The following GABRA6 variants were observed in gnomAD, a reference collection of about 807,000 sequenced individuals.
GABRA6 encodes gamma-aminobutyric acid receptor subunit alpha-6.
A neutral mutation model predicts 47.3 loss-of-function variants in GABRA6; 45 were observed. The observed-to-expected ratio is 0.95, with a 90% CI of 0.75 to 1.22. The LOEUF is 1.22. GABRA6 is among the 50% of genes most tolerant of loss of function. The probability of loss-of-function intolerance (pLI) is 0.00; values close to 1 mark genes in which losing one functional copy is unlikely to be tolerated. For missense variants in GABRA6, 583 were observed against 549.3 expected (o/e 1.06, Z -0.61); for synonymous variants, 219 against 194.7 (o/e 1.12, Z -1.04).
rs1754679863 is a variant in GABRA6 at position 161,685,738 on chromosome 5, T to A, written c.-252T>A. The stretch of plus-strand genomic sequence containing the variant: ...ACTGAGTCAGTCAGAGGAGCCTGGG[T>A]GTCTGCAGGACATAATCTAAGACCA... On this transcript the variant is annotated 5_prime_UTR_variant, in exon 1 of 9. Transcript: ENST00000274545. The A allele has an allele frequency of 5.2e-6, 3 of 573,446 alleles. No homozygotes were observed. In the East Asian group the frequency reaches 8.9e-5, roughly 17 times the overall value. 35.5% of individuals were successfully genotyped at this position (573,446 alleles called of 1,614,324 possible).
intron 8 of GABRA6, among the ~76,000 whole-genome samples, chr5:161,697,487 GC>G (rs1337709557): frequency 6.6e-6 from 1 of 152,132 alleles, no homozygotes; most frequent in Admixed American, 6.5e-5. Flanking sequence ...CATATTTGCT[GC>G]CTGTAGAAAT....
intron 8 of GABRA6, among the ~76,000 whole-genome samples, chr5:161,699,989 A>G (rs1754952522): frequency 2.0e-5 from 3 of 152,150 alleles, no homozygotes; most frequent in African/African-American, 7.2e-5. Flanking sequence ...GCTTTTGGTA[A>G]AGAAACACAT....
Position 161,686,761 on chromosome 5 carries a change from G to A in GABRA6, c.158-175G>A, listed in dbSNP as rs139872931. 3.8e-3 allele frequency among the ~76,000 whole-genome samples: 585 copies of A among 152,134 alleles called. 5 individuals carry two copies. The highest frequency in any genetic ancestry group is 0.014 in the African/African-American group (565 of 41,490). The stretch of plus-strand genomic sequence containing the variant: ...TTGACTAGAATAAATTCTAAATAAG[G>A]CCACTGACATGAGTTTTCAGAGTTG... On this transcript the variant is annotated intron_variant, in intron 2 of 8. Coordinates refer to ENST00000274545, the MANE Select transcript of GABRA6 (RefSeq NM_000811.3).
intron 6 of GABRA6, 165 bp from the exon 7 acceptor site, chr5:161,690,036 G>T: frequency 1.4e-6 from 1 of 716,642 alleles, no homozygotes; most frequent in Non-Finnish European, 2.4e-6. Flanking sequence ...GTGTCTCTTC[G>T]CTCTATCATC....
In GABRA6 at chr5:161,689,771, C is replaced by A. The variant is rs138428207; in HGVS notation, c.665C>A (p.Ser222Tyr). 2.4e-5 allele frequency: 38 copies of A among 1,612,838 alleles called. No homozygotes were observed. In the African/African-American group the frequency reaches 4.0e-4, roughly 17 times the overall value. ...ACAGTATCTAGTGAGACAATTAAAT[C>A]TAACACAGGTAAGAATTTGACCAAA... ...GQTVSSETIKSNTGEYVIMTV... is the reference protein window; with the variant it reads ...GQTVSSETIKYNTGEYVIMTV... The change falls in exon 6 of 9, where the codon TCT becomes TAT. Residue 222 changes from serine to tyrosine, a missense_variant. Physicochemically the swap from Ser to Tyr is moderately radical, Grantham distance 144. Coordinates refer to ENST00000274545, the MANE Select transcript of GABRA6 (RefSeq NM_000811.3).
chr5:161,691,288 CTTTTTT>C (rs1160422481), intron 7 of GABRA6, among the ~76,000 whole-genome samples: 34 of 84,704 alleles, frequency 4.0e-4, no homozygotes, highest in Non-Finnish European at 5.8e-4. Flanking sequence ...TTTTTCTTTC[CTTTTTT>C]TTTTTTTTTT....
intron 8 of GABRA6, among the ~76,000 whole-genome samples, chr5:161,700,956 T>C (rs1328501447): frequency 6.6e-6 from 1 of 152,240 alleles, no homozygotes; most frequent in Non-Finnish European, 1.5e-5. Flanking sequence ...ATTTTATTTA[T>C]TTTTTAAATC....
chr5:161,692,017 T>C lies in GABRA6; in HGVS notation c.903T>C (p.Thr301=), dbSNP rs764910261. Reference sequence around the variant, plus strand: ...CTTTGCCAAAAGTGTCATATGCCACTGCCATGGATTGGTTCATAGCTGTTT... The same window carrying C: ...CTTTGCCAAAAGTGTCATATGCCACCGCCATGGATTGGTTCATAGCTGTTT... The part of the protein sequence containing the change: ...RHSLPKVSYA[T]AMDWFIAVCF... The change falls in exon 8 of 9, where the codon ACT becomes ACC. Residue 301 remains threonine, a synonymous_variant. Coordinates refer to ENST00000274545, the MANE Select transcript of GABRA6 (RefSeq NM_000811.3). The C allele has an allele frequency of 6.2e-7, 1 of 1,614,170 alleles. No homozygotes were observed. The highest frequency in any genetic ancestry group is 1.7e-5 in the Admixed American group (1 of 60,022).
chr5:161,694,870 C>G (rs1399457690), intron 8 of GABRA6, among the ~76,000 whole-genome samples: 1 of 152,100 alleles, frequency 6.6e-6, no homozygotes, highest in South Asian at 2.1e-4. Context: ...TACATTTGTT[C>G]GTGTCAAACC....
chr5:161,686,413 A>G (rs1561723424), intron 2 of GABRA6, 65 bp downstream of exon 2: 1 of 1,250,364 alleles, frequency 8.0e-7, no homozygotes, highest in South Asian at 1.2e-5. Flanking sequence ...TGCCCTTTGA[A>G]GACCCAGAAG....
chr5:161,699,153 C>CTAT (rs1406208437), intron 8 of GABRA6, among the ~76,000 whole-genome samples: 2 of 152,186 alleles, frequency 1.3e-5, no homozygotes, highest in African/African-American at 4.8e-5. Flanking sequence ...TGTCTTCCCT[C>CTAT]TTTCTACCTA....
At position 161,686,294 on chromosome 5, in the gene GABRA6, A is replaced by G; in HGVS notation, c.103A>G (p.Ile35Val). The G allele has an allele frequency of 6.2e-7, 1 of 1,614,078 alleles. No individual in the cohort carries two copies. The highest frequency in any genetic ancestry group is 8.5e-7 in the Non-Finnish European group (1 of 1,179,946). Residue 35 changes from isoleucine (I) to valine (V), a missense_variant, in exon 2 of 9, where the codon ATC becomes GTC. Transcript: ENST00000274545. The part of the protein sequence containing the change: ...GNFYSENVSR[I>V]LDNLLEGYDN... ...CTTCTACTCAGAAAACGTCAGTCGG[A>G]TCCTGGACAACTTGCTTGAAGGCTA...
chr5:161,690,165 A>T, intron 6 of GABRA6, 36 bp from the exon 7 acceptor site: 1 of 1,596,486 alleles, frequency 6.3e-7, no homozygotes, highest in Non-Finnish European at 8.6e-7. Context: ...GCAGACTGTC[A>T]GCAGTAATAA....
chr5:161,689,687 A>G lies in GABRA6; in HGVS notation c.581A>G (p.Tyr194Cys). ...IIYTWKKGPLYSVEVPEESSS... is the reference protein window; with the variant it reads ...IIYTWKKGPLCSVEVPEESSS... The stretch of plus-strand genomic sequence containing the variant: ...TATACGTGGAAAAAAGGACCACTTT[A>G]CTCAGTAGAAGTCCCAGAAGAATCT... Residue 194 changes from tyrosine (Y) to cysteine (C), a missense_variant, in exon 6 of 9, where the codon TAC (tyrosine) becomes TGC (cysteine). By Grantham distance (194) the Tyr-to-Cys change is radical (BLOSUM62 -2). Coordinates refer to ENST00000274545, the MANE Select transcript of GABRA6 (RefSeq NM_000811.3). The G allele has an allele frequency of 3.1e-6, 5 of 1,611,044 alleles. 1 individual carries two copies.
At chr5:161,690,805 T>C (rs1209897966) in intron 7 of GABRA6, among the ~76,000 whole-genome samples, 1 of 152,128 alleles carries the variant, frequency 6.6e-6, no homozygotes. Flanking sequence ...CACTTATAGA[T>C]AGAATCACTA....
chr5:161,698,884 T>A (rs1400838629), intron 8 of GABRA6, among the ~76,000 whole-genome samples: 1 of 152,204 alleles, frequency 6.6e-6, no homozygotes, highest in Non-Finnish European at 1.5e-5. Flanking sequence ...TTAATTTTAA[T>A]TTTTTAATTT....
chr5:161,690,847 G>A (rs892466836), intron 7 of GABRA6, among the ~76,000 whole-genome samples: 6 of 151,968 alleles, frequency 3.9e-5, no homozygotes, highest in Non-Finnish European at 7.4e-5. Context: ...TAAATAATAA[G>A]AAAAAGAGCT....
At chr5:161,691,892 A>G in intron 7 of GABRA6, 49 bp from the exon 8 acceptor site, 7 of 1,565,310 alleles carry the variant, frequency 4.5e-6, no homozygotes, top group Non-Finnish European at 6.2e-6. Context: ...TGATTTTGCC[A>G]TAGGATTCCC....
intron 8 of GABRA6, among the ~76,000 whole-genome samples, chr5:161,692,756 A>G (rs572725607): frequency 6.6e-6 from 1 of 152,344 alleles, no homozygotes; most frequent in East Asian, 1.9e-4. Context: ...AAATATATGT[A>G]TATCAATGAG....
Sources: allele counts gnomAD v4.1 joint callset (sites outside exome capture counted in the v4.1 genomes callset), GRCh38; gene constraint gnomAD v4.1.1; transcripts MANE v1.5; gene names NCBI Gene and HGNC (gene_info 2026-07-23, HGNC 2026-07-21).